MANEA: variants seen among roughly 807,000 people sequenced by gnomAD.
The protein encoded by MANEA is glycoprotein endo-alpha-1,2-mannosidase.
In MANEA, 25 loss-of-function variants were observed where a neutral mutation model predicts 36.8. The ratio of observed to expected loss-of-function variants is 0.68; its 90% CI spans 0.50 to 0.95. MANEA has a LOEUF of 0.95. MANEA is among the 40% of genes least tolerant of loss of function. The pLI is 0.00. For synonymous variants in MANEA, 198 were observed against 188.5 expected, an observed-to-expected ratio of 1.05 and a Z score of -0.41; for missense variants, 565 against 558.8, an observed-to-expected ratio of 1.01 and a Z score of -0.11.
rs760135238 is a variant in MANEA, at chr6:95,586,792, G to C, written c.353G>C (p.Gly118Ala). ...YSWYGNPQFD[G>A]KYIHWNHPVL... ...TGGTATGGAAATCCACAATTTGATG[G>C]TAAATATATACATTGGAATCATCCA... Residue 118 changes from glycine to alanine, a missense_variant, in exon 2 of 5, where the codon GGT becomes GCT. By Grantham distance (60) the Gly-to-Ala change is moderately conservative. Transcript: ENST00000358812. 2.5e-6 allele frequency: 4 copies of C among 1,613,794 alleles called. No homozygotes were observed. The highest frequency in any genetic ancestry group is 2.5e-6 in the Non-Finnish European group (3 of 1,179,804).
intron 3 of MANEA, among the ~76,000 whole-genome samples, chr6:95,602,801 A>G (rs1769617543): frequency 6.6e-6 from 1 of 150,798 alleles, no homozygotes; most frequent in South Asian, 2.1e-4. Flanking sequence ...CGGGTGGATC[A>G]TGAGGTCAGG....
intron 4 of MANEA, among the ~76,000 whole-genome samples, chr6:95,605,227 A>G (rs1769676562): frequency 6.6e-6 from 1 of 152,130 alleles, no homozygotes; most frequent in Admixed American, 6.6e-5. Flanking sequence ...TTTAAAAAGA[A>G]GGTTCAGATT....
chr6:95,578,635 A>G (rs1769120577), intron 1 of MANEA, among the ~76,000 whole-genome samples: 1 of 152,176 alleles, frequency 6.6e-6, no homozygotes, highest in Non-Finnish European at 1.5e-5. Flanking sequence ...TCAATGCAGA[A>G]AAACACCCCC....
chr6:95,593,155 G>A (rs990874115), intron 2 of MANEA, among the ~76,000 whole-genome samples: 1 of 152,120 alleles, frequency 6.6e-6, no homozygotes. Context: ...ACACTTCTCT[G>A]GTTACTATCA....
chr6:95,595,268 G>A (rs1339570828), intron 2 of MANEA, among the ~76,000 whole-genome samples: 1 of 152,102 alleles, frequency 6.6e-6, no homozygotes, highest in Non-Finnish European at 1.5e-5. Flanking sequence ...AGCTGGGCTA[G>A]TAATCTTACA....
chr6:95,580,664 G>T (rs920801214), intron 1 of MANEA, among the ~76,000 whole-genome samples: 2 of 150,346 alleles, frequency 1.3e-5, no homozygotes, highest in African/African-American at 4.9e-5. Context: ...GGCGGAGCTT[G>T]CAGTGAGCGG....
At chr6:95,602,358 T>C (rs1188291412) in intron 3 of MANEA, among the ~76,000 whole-genome samples, 2 of 152,170 alleles carry the variant, frequency 1.3e-5, no homozygotes, top group African/African-American at 4.8e-5. Flanking sequence ...TGAGGTATTA[T>C]GGCACCACAT....
At position 95,605,898 on chromosome 6, in the gene MANEA, T is replaced by C; in HGVS notation, c.882T>C (p.Pro294=). ...GGTCTCGGAGTATTCGCAATTCTCC[T>C]TATGATGGACTGTTTATTGCCCTTC... ...TSGSRSIRNS[P]YDGLFIALLV... The change falls in exon 5 of 5, where the codon CCT becomes CCC. Residue 294 remains proline (P), a synonymous_variant. Transcript: ENST00000358812. The C allele has an allele frequency of 1.2e-6, 2 of 1,614,072 alleles. No individual in the cohort carries two copies. The highest frequency in any genetic ancestry group is 1.7e-6 in the Non-Finnish European group (2 of 1,179,986).
rs1278998598 is a variant in MANEA, at chr6:95,607,566, A to G, written c.*1161A>G. ...GAAGAAACTAATATTTTACATAAAAACTAATACTTTCAATTTTTTATATAG... is the reference window on the plus strand; with the variant it reads ...GAAGAAACTAATATTTTACATAAAAGCTAATACTTTCAATTTTTTATATAG... On this transcript the variant is annotated 3_prime_UTR_variant, in exon 5 of 5. Coordinates refer to ENST00000358812, the MANE Select transcript of MANEA (RefSeq NM_024641.4). 2.0e-5 allele frequency: 3 copies of G among 151,870 alleles called. No individual in the cohort carries two copies. The allele number at this position is 151,870 out of a possible 1,614,324, so 9.4% of individuals were successfully genotyped here.
At chr6:95,604,007 C>G (rs767878624) in intron 3 of MANEA, among the ~76,000 whole-genome samples, 1 of 149,262 alleles carries the variant, frequency 6.7e-6, no homozygotes, top group Non-Finnish European at 1.5e-5. Flanking sequence ...TTACTGCTCT[C>G]TATGTTTACA....
chr6:95,604,046 G>GTA (rs1769654772), intron 3 of MANEA, among the ~76,000 whole-genome samples: 2 of 133,818 alleles, frequency 1.5e-5, no homozygotes, highest in South Asian at 4.7e-4. Flanking sequence ...GTATGTGTGC[G>GTA]TATATATGTA....
chr6:95,583,118 A>G (rs1158399173), intron 1 of MANEA, among the ~76,000 whole-genome samples: 2 of 152,180 alleles, frequency 1.3e-5, no homozygotes, highest in Non-Finnish European at 2.9e-5. Flanking sequence ...CAGTATGTAT[A>G]TAGTTATTAA....
chr6:95,585,886 T>G (rs9398423), intron 1 of MANEA, among the ~76,000 whole-genome samples: 90,625 of 151,806 alleles, frequency 0.6, 27,458 homozygotes, highest in East Asian at 0.87. Context: ...TCAGGCCAGG[T>G]GTGTGGTGAC....
chr6:95,585,788 A>G (rs1027955783), intron 1 of MANEA, among the ~76,000 whole-genome samples: 7 of 152,094 alleles, frequency 4.6e-5, no homozygotes, highest in Non-Finnish European at 8.8e-5. Context: ...AATCTGTTTA[A>G]TGACTGGGTT....
At chr6:95,587,294 G>C in intron 2 of MANEA, 1 of 323,236 alleles carries the variant, frequency 3.1e-6, no homozygotes, top group African/African-American at 2.2e-5. Flanking sequence ...CCCACTTTAA[G>C]TTTATAGCTC....
rs577691772 is a variant in MANEA at position 95,604,807 on chromosome 6, G to A, written c.655-20G>A. The stretch of plus-strand genomic sequence containing the variant: ...ATTATAGATAATTTATCCCCTAACT[G>A]ATTTTATTGTTTGTTTTAGGTTACT... On this transcript the variant is annotated intron_variant, in intron 3 of 4. Coordinates refer to ENST00000358812, the MANE Select transcript of MANEA (RefSeq NM_024641.4). 3.0e-5 allele frequency: 34 copies of A among 1,126,316 alleles called. No homozygotes were observed. The highest frequency in any genetic ancestry group is 1.2e-4 in the South Asian group (7 of 59,624). 69.8% of individuals were successfully genotyped at this position (1,126,316 alleles called of 1,614,324 possible).
chr6:95,590,492 T>G (rs1016761611), intron 2 of MANEA, among the ~76,000 whole-genome samples: 1 of 152,218 alleles, frequency 6.6e-6, no homozygotes, highest in Non-Finnish European at 1.5e-5. Context: ...AGGTTACAAT[T>G]CTTACTTCTG....
At chr6:95,604,720 TTTAA>T (rs1284659297) in intron 3 of MANEA, 103 bp from the exon 4 acceptor site, 16 of 486,798 alleles carry the variant, frequency 3.3e-5, no homozygotes, top group South Asian at 1.1e-4. Context: ...AATATTCATC[TTTAA>T]TTAAGGTGAT....
intron 3 of MANEA, among the ~76,000 whole-genome samples, chr6:95,604,560 TTCTG>T (rs1017032274): frequency 2.0e-5 from 3 of 152,130 alleles, no homozygotes; most frequent in Non-Finnish European, 2.9e-5. Context: ...TTTCTTAAGG[TTCTG>T]TCTATCTTTG....
Sources: gnomAD v4.1 joint callset for allele counts (sites outside exome capture counted in the v4.1 genomes callset) on GRCh38, gnomAD v4.1.1 for gene constraint, MANE v1.5 for transcripts, NCBI Gene and HGNC (gene_info 2026-07-23, HGNC 2026-07-21) for gene names.